Variants in HMGB1 observed in about 807,000 individuals in gnomAD.
HMGB1 encodes the protein high mobility group box 1.
For synonymous variants in HMGB1, 81 were observed against 84.0 expected, an observed-to-expected ratio of 0.96 and a Z score of 0.19; for missense variants, 79 against 253.5, an observed-to-expected ratio of 0.31 and a Z score of 4.67.
In HMGB1 at chr13:30,559,808, A is replaced by G. The variant is rs1365631213; in HGVS notation, c.-15+56863T>C. On this transcript the variant is annotated intron_variant, in intron 1 of 4. Coordinates refer to the HMGB1 transcript ENST00000405805. The surrounding 1 kb of genome is among the most constrained non-coding windows in gnomAD (Gnocchi z 6.6). Reference sequence around the variant, plus strand: ...AAAGGATAAAAATATCTACACTTGGAAACAGCAGATTGTGAAAGGGTATGT... The same window carrying G: ...AAAGGATAAAAATATCTACACTTGGGAACAGCAGATTGTGAAAGGGTATGT... 1.3e-5 allele frequency among the ~76,000 whole-genome samples: 2 copies of G among 152,250 alleles called. No homozygotes were observed. Among genetic ancestry groups the G allele is most frequent in the African/African-American group, 2.4e-5 (1 of 41,458 alleles).
intron 1 of HMGB1, among the ~76,000 whole-genome samples, chr13:30,561,449 TGA>T (rs2137524993): frequency 6.6e-6 from 1 of 152,214 alleles, no homozygotes; most frequent in Admixed American, 6.5e-5. Flanking sequence ...GCAGCTGTCA[TGA>T]GAGAGGTAGG....
intron 1 of HMGB1, chr13:30,553,842 C>T (rs1308812159): frequency 1.0e-5 from 14 of 1,345,506 alleles, no homozygotes; most frequent in South Asian, 1.2e-5. Flanking sequence ...TGATCACAGT[C>T]GTGTTAAACT....
intron 1 of HMGB1, among the ~76,000 whole-genome samples, chr13:30,534,099 G>A (rs544719500): frequency 9.8e-4 from 149 of 152,226 alleles, no homozygotes; most frequent in Admixed American, 3.1e-3. Flanking sequence ...CCCAACCTCA[G>A]GTGATCTGCC....
At chr13:30,484,792 GAAGAGAAGGGAAGAA>G (rs1403235509) in intron 1 of HMGB1, among the ~76,000 whole-genome samples, 6 of 151,654 alleles carry the variant, frequency 4.0e-5, no homozygotes, top group South Asian at 2.1e-4. Flanking sequence ...GAGGAGAGAA[GAAGAGAAGGGAAGAA>G]AAGAGAAGGG....
chr13:30,592,186 T>A (rs567919344), intron 1 of HMGB1, among the ~76,000 whole-genome samples: 110 of 151,252 alleles, frequency 7.3e-4, no homozygotes, highest in African/African-American at 1.7e-3. Flanking sequence ...AAAAAAAACA[T>A]TTTCCCCTAT....
At chr13:30,472,565 C>T (rs573678612) in intron 1 of HMGB1, among the ~76,000 whole-genome samples, 3 of 152,306 alleles carry the variant, frequency 2.0e-5, no homozygotes, top group South Asian at 4.1e-4. Context: ...GGTGCCACTG[C>T]ACTCCAGCCT....
At chr13:30,528,939 G>A (rs1184681202) in intron 1 of HMGB1, among the ~76,000 whole-genome samples, 1 of 145,332 alleles carries the variant, frequency 6.9e-6, no homozygotes, top group East Asian at 2.1e-4. Flanking sequence ...TGAGGCAGGA[G>A]AATGGTGTGA....
chr13:30,462,724 A>AG lies in HMGB1; in HGVS notation c.297-13_297-12insC. 6.2e-7 allele frequency: 1 copy of AG among 1,606,598 alleles called. No individual in the cohort carries two copies. The highest frequency in any genetic ancestry group is 8.5e-7 in the Non-Finnish European group (1 of 1,175,376). ...GGAAGAAGGCCGAACTAAAAAAAAA[A>AG]TTAATTTTAGGATTTTAAGTTAACA... On this transcript the variant is annotated splice_polypyrimidine_tract_variant and intron_variant, in intron 3 of 4. Coordinates refer to ENST00000341423, the MANE Select transcript of HMGB1 (RefSeq NM_002128.7).
At position 30,537,217 on chromosome 13, in the gene HMGB1, G is replaced by A. The variant is rs568366486; in HGVS notation, c.-14-73523C>T. 5.9e-5 allele frequency among the ~76,000 whole-genome samples: 9 copies of A among 152,022 alleles called. No individual in the cohort carries two copies. In the South Asian group the frequency reaches 6.2e-4, roughly 11 times the overall value. The stretch of plus-strand genomic sequence containing the variant: ...CTTTTAAGAAGTCTTAAGTTATTCT[G>A]TCTTGATCCTTTTATCTCCCCACCG... On this transcript the variant is annotated intron_variant, in intron 1 of 4. Transcript: ENST00000405805.
intron 1 of HMGB1, among the ~76,000 whole-genome samples, chr13:30,604,345 A>G (rs945278053): frequency 3.9e-5 from 6 of 152,230 alleles, no homozygotes; most frequent in African/African-American, 1.4e-4. Context: ...GGAAGCAGAA[A>G]CAATAGGAGG....
intron 1 of HMGB1, among the ~76,000 whole-genome samples, chr13:30,472,726 T>C (rs559477233): frequency 6.6e-6 from 1 of 152,300 alleles, no homozygotes; most frequent in East Asian, 1.9e-4. Context: ...TCAAGCTATA[T>C]GAATTCTCTT....
At chr13:30,537,871 G>T (rs1868529466) in intron 1 of HMGB1, among the ~76,000 whole-genome samples, 1 of 151,532 alleles carries the variant, frequency 6.6e-6, no homozygotes, top group South Asian at 2.1e-4. Flanking sequence ...CCTTCAGTTT[G>T]GTGAAAATTG....
intron 1 of HMGB1, among the ~76,000 whole-genome samples, chr13:30,560,841 G>GA (rs1056296365): frequency 2.1e-4 from 32 of 152,292 alleles, no homozygotes; most frequent in African/African-American, 7.7e-4. Flanking sequence ...TGAGAAAGGT[G>GA]ACAATACTGA....
At chr13:30,554,583 C>T (rs1363331631) in intron 1 of HMGB1, 23 of 770,820 alleles carry the variant, frequency 3.0e-5, no homozygotes, top group Non-Finnish European at 3.9e-5. Context: ...GATCATTCAC[C>T]GAACAAAATA....
chr13:30,460,114 TGA>T lies in HMGB1; in HGVS notation c.*1241_*1242del, dbSNP rs1471990260. 6.6e-6 allele frequency: 1 copy of T among 152,482 alleles called. No individual in the cohort carries two copies. Among genetic ancestry groups the T allele is most frequent in the African/African-American group, 2.4e-5 (1 of 41,478 alleles). 9.4% of individuals were successfully genotyped at this position (152,482 alleles called of 1,614,324 possible). A position where few individuals can be genotyped will look rare whatever the true frequency, so the allele number is the denominator to read the frequency against. On this transcript the variant is annotated 3_prime_UTR_variant, in exon 5 of 5. Transcript: ENST00000341423. Reference sequence around the variant, plus strand: ...TAAGCAGATAAACATGACTAATGAATGAGTTTGTTTTGTAAAGAAAAATCATT... The same window carrying T: ...TAAGCAGATAAACATGACTAATGAATGTTTGTTTTGTAAAGAAAAATCATT...
chr13:30,537,627 T>C (rs1029714008), intron 1 of HMGB1, among the ~76,000 whole-genome samples: 1 of 140,692 alleles, frequency 7.1e-6, no homozygotes, highest in Admixed American at 7.3e-5. Flanking sequence ...TCGCTGCATG[T>C]GGTGGCAATT....
rs1886056355 is a variant in HMGB1, at chr13:30,457,882, T to G, written c.*3475A>C. ...CCTTGGTATTAAGAGGACAAGAAAA[T>G]GAACCACCATCTTTTGCTGGATAGA... On this transcript the variant is annotated 3_prime_UTR_variant, in exon 5 of 5. Transcript: ENST00000341423. 3.0e-5 allele frequency: 2 copies of G among 67,542 alleles called. No individual in the cohort carries two copies. The highest frequency in any genetic ancestry group is 6.4e-5 in the Non-Finnish European group (2 of 31,396). 4.2% of individuals were successfully genotyped at this position (67,542 alleles called of 1,614,324 possible). A position where few individuals can be genotyped will look rare whatever the true frequency, so the allele number is the denominator to read the frequency against.
intron 1 of HMGB1, among the ~76,000 whole-genome samples, chr13:30,533,491 A>G (rs1416917264): frequency 6.6e-6 from 1 of 152,008 alleles, no homozygotes; most frequent in Non-Finnish European, 1.5e-5. Flanking sequence ...TAGCCTCCCA[A>G]GTAGCTGGGA....
chr13:30,498,445 G>A (rs976584022), intron 1 of HMGB1, among the ~76,000 whole-genome samples: 1 of 151,964 alleles, frequency 6.6e-6, no homozygotes, highest in African/African-American at 2.4e-5. Context: ...GGGAGGGGCT[G>A]GAGAGGGATA....
Sources: gnomAD v4.1 joint callset for allele counts (sites outside exome capture counted in the v4.1 genomes callset) on GRCh38, gnomAD v4.1.1 for gene constraint, Gnocchi (gnomAD v3.1) non-coding constraint, MANE v1.5 for transcripts, NCBI Gene and HGNC (gene_info 2026-07-23, HGNC 2026-07-21) for gene names.